Variants in DHX9 observed in about 807,000 individuals in gnomAD.
DHX9 encodes the protein ATP-dependent RNA helicase A.
In DHX9, 27 loss-of-function variants were observed where a neutral mutation model predicts 148.7. The observed-to-expected ratio is 0.18, with a 90% CI of 0.13 to 0.25. DHX9 has a LOEUF of 0.25. DHX9 is among the 10% of genes least tolerant of loss of function. The pLI, the probability that DHX9 is intolerant of heterozygous loss-of-function variation, is 1.00. For synonymous variants in DHX9, 529 were observed against 516.6 expected, an observed-to-expected ratio of 1.02 and a Z score of -0.33; for missense variants, 796 against 1,559.6, an observed-to-expected ratio of 0.51 and a Z score of 8.25.
At chr1:182,865,375 A>G (rs146359372) in intron 12 of DHX9, among the ~76,000 whole-genome samples, 38 of 152,308 alleles carry the variant, frequency 2.5e-4, no homozygotes, top group African/African-American at 8.9e-4. Context: ...GTGTATATAT[A>G]ATGTGTTGAT....
At chr1:182,883,066 TTAAA>T (rs1649161433) in intron 24 of DHX9, 69 bp from the exon 25 acceptor site, 1 of 1,016,358 alleles carries the variant, frequency 9.8e-7, no homozygotes, top group South Asian at 1.3e-5. Flanking sequence ...CTGAATTATC[TTAAA>T]TAGTTTGCAT....
intron 2 of DHX9, 49 bp from the exon 3 acceptor site, chr1:182,843,245 C>A: frequency 6.9e-7 from 1 of 1,442,492 alleles, no homozygotes; most frequent in Non-Finnish European, 9.1e-7. Context: ...TTTTTAAAAT[C>A]TCAGAATTAC....
intron 3 of DHX9, among the ~76,000 whole-genome samples, chr1:182,848,446 A>G (rs1255866645): frequency 6.6e-6 from 1 of 152,208 alleles, no homozygotes; most frequent in African/African-American, 2.4e-5. Flanking sequence ...CCTTGTTCCA[A>G]CGTAATTTAT....
rs1668331062 is a variant in DHX9 at position 182,859,979 on chromosome 1, C to G, written c.1141-14C>G. ...TGGTAGACATTTGACTGAAGTGTGA[C>G]TTTTCTAATGCAGATCTTGCAGGAG... On this transcript the variant is annotated splice_polypyrimidine_tract_variant and intron_variant, in intron 11 of 27. Coordinates refer to ENST00000367549, the MANE Select transcript of DHX9 (RefSeq NM_001357.5). The G allele has an allele frequency of 6.3e-7, 1 of 1,598,548 alleles. No individual in the cohort carries two copies. The highest frequency in any genetic ancestry group is 1.7e-5 in the Admixed American group (1 of 58,052).
At chr1:182,857,010 G>T (rs573284850) in intron 7 of DHX9, among the ~76,000 whole-genome samples, 1 of 152,044 alleles carries the variant, frequency 6.6e-6, no homozygotes, top group South Asian at 2.1e-4. Flanking sequence ...CACCAAGCCC[G>T]GCTGATTATT....
At chr1:182,884,244 G>A (rs1307896780) in intron 26 of DHX9, among the ~76,000 whole-genome samples, 2 of 152,040 alleles carry the variant, frequency 1.3e-5, no homozygotes, top group Admixed American at 6.5e-5. Context: ...GCACTCCAGC[G>A]AGGGCAACAG....
intron 14 of DHX9, among the ~76,000 whole-genome samples, chr1:182,867,784 T>A (rs1648367518): frequency 6.6e-6 from 1 of 152,202 alleles, no homozygotes; most frequent in African/African-American, 2.4e-5. Context: ...TGCCAAAAAT[T>A]AGGAAGAAAC....
intron 3 of DHX9, among the ~76,000 whole-genome samples, chr1:182,848,202 C>T (rs1174615846): frequency 1.3e-5 from 2 of 152,238 alleles, no homozygotes; most frequent in African/African-American, 4.8e-5. Context: ...TCCTTCAATG[C>T]TTTATTTTTC....
intron 3 of DHX9, among the ~76,000 whole-genome samples, chr1:182,850,674 G>A (rs989204022): frequency 6.6e-6 from 1 of 151,974 alleles, no homozygotes. Flanking sequence ...CATTGCCAAT[G>A]TTGCTAAAAT....
At chr1:182,848,056 C>T (rs1668064002) in intron 3 of DHX9, among the ~76,000 whole-genome samples, 1 of 152,150 alleles carries the variant, frequency 6.6e-6, no homozygotes, top group Non-Finnish European at 1.5e-5. Context: ...GTTCCAGCTA[C>T]AGTAGCTGTA....
chr1:182,872,562 A>T, intron 15 of DHX9, 69 bp downstream of exon 15: 1 of 1,470,738 alleles, frequency 6.8e-7, no homozygotes, highest in South Asian at 1.3e-5. Flanking sequence ...AATCCTGGAG[A>T]TTGGAGTTAC....
chr1:182,882,332 G>A (rs1468750254), intron 24 of DHX9, among the ~76,000 whole-genome samples: 1 of 152,184 alleles, frequency 6.6e-6, no homozygotes, highest in African/African-American at 2.4e-5. Context: ...GAACTCGTTT[G>A]TCTAGAACAA....
intron 1 of DHX9, 55 bp downstream of exon 1, chr1:182,839,511 C>G (rs6690440): frequency 0.98 from 150,272 of 153,500 alleles, 73,623 homozygotes; most frequent in East Asian, 1. Flanking sequence ...CGGGCGGGCG[C>G]CGTGGACCAT....
At chr1:182,884,470 C>T in intron 26 of DHX9, 143 bp from the exon 27 acceptor site, 1 of 720,098 alleles carries the variant, frequency 1.4e-6, no homozygotes, top group South Asian at 2.0e-5. Flanking sequence ...AAGTTTGGGG[C>T]CATTATAAGT....
chr1:182,840,789 A>T (rs192170957), intron 1 of DHX9, among the ~76,000 whole-genome samples: 2 of 152,310 alleles, frequency 1.3e-5, no homozygotes, highest in East Asian at 3.9e-4. Flanking sequence ...AGGGATAGCT[A>T]TGGAGAATCT....
chr1:182,863,632 T>A (rs186285315), intron 12 of DHX9, among the ~76,000 whole-genome samples: 196 of 152,284 alleles, frequency 1.3e-3, no homozygotes, highest in Non-Finnish European at 2.0e-3. Context: ...AGTGATAGAT[T>A]ATTTAAGGGA....
chr1:182,861,929 CA>C (rs1335158065), intron 12 of DHX9, among the ~76,000 whole-genome samples: 2 of 152,186 alleles, frequency 1.3e-5, no homozygotes, highest in Non-Finnish European at 2.9e-5. Context: ...ATTTATAGTT[CA>C]GCCATGAAGG....
chr1:182,866,638 A>G (rs1648307947), intron 13 of DHX9, 53 bp downstream of exon 13: 1 of 1,547,496 alleles, frequency 6.5e-7, no homozygotes, highest in East Asian at 2.3e-5. Flanking sequence ...GGTTGTGAAG[A>G]AAACTTGATA....
At chr1:182,877,924 T>TCCCCACC in intron 19 of DHX9, 97 bp from the exon 20 acceptor site, 1 of 1,375,844 alleles carries the variant, frequency 7.3e-7, no homozygotes, top group Non-Finnish European at 1.0e-6. Context: ...AGGTATGGCT[T>TCCCCACC]TAACTACATA....
Sources: allele counts gnomAD v4.1 joint callset (sites outside exome capture counted in the v4.1 genomes callset), GRCh38; gene constraint gnomAD v4.1.1; transcripts MANE v1.5; gene names NCBI Gene and HGNC (gene_info 2026-07-23, HGNC 2026-07-21).